CFAP95: variants seen among roughly 807,000 people sequenced by gnomAD.
CFAP95 encodes the protein cilia and flagella associated protein 95.
At chr9:69,880,323 T>C in the CFAP95 span, among the ~76,000 whole-genome samples, 21 of 152,284 alleles carry the variant, frequency 1.4e-4, no homozygotes, top group African/African-American at 4.8e-4. Flanking sequence ...CTTCCCATCC[T>C]CTGGTAACCA....
chr9:69,882,476 G>A, the CFAP95 span, among the ~76,000 whole-genome samples: 1 of 151,970 alleles, frequency 6.6e-6, no homozygotes, highest in Non-Finnish European at 1.5e-5. Flanking sequence ...AAGATTTCCA[G>A]TACTATGTTG....
chr9:69,843,187 C>A, the CFAP95 span, among the ~76,000 whole-genome samples: 1 of 152,064 alleles, frequency 6.6e-6, no homozygotes, highest in Non-Finnish European at 1.5e-5. Context: ...CTACCAAAGT[C>A]CCTGGCATGT....
chr9:69,857,368 C>CTGT, the CFAP95 span, among the ~76,000 whole-genome samples: 58 of 152,274 alleles, frequency 3.8e-4, 1 homozygote, highest in East Asian at 9.1e-3. Context: ...TTGTCTTATA[C>CTGT]TGTAATTGTT....
chr9:69,845,234 T>C, the CFAP95 span, among the ~76,000 whole-genome samples: 3 of 152,190 alleles, frequency 2.0e-5, no homozygotes, highest in African/African-American at 7.2e-5. Flanking sequence ...GGTGAGTGCG[T>C]TACTGCTTGG....
chr9:69,846,526 A>C, the CFAP95 span, among the ~76,000 whole-genome samples: 2 of 152,244 alleles, frequency 1.3e-5, no homozygotes, highest in Admixed American at 6.5e-5. Context: ...TCTGTGTATA[A>C]AGCACTGGCT....
chr9:69,888,304 T>C, the CFAP95 span, among the ~76,000 whole-genome samples: 2 of 152,124 alleles, frequency 1.3e-5, no homozygotes, highest in Non-Finnish European at 1.5e-5. Flanking sequence ...TATTTTTCTA[T>C]TTAAAAAAAT....
the CFAP95 span, among the ~76,000 whole-genome samples, chr9:69,892,358 G>A: frequency 1.3e-5 from 2 of 152,134 alleles, no homozygotes; most frequent in African/African-American, 4.8e-5. Flanking sequence ...TTACTCAGTT[G>A]GCTTGGCTGA....
At chr9:69,887,127 G>A in the CFAP95 span, among the ~76,000 whole-genome samples, 2 of 152,122 alleles carry the variant, frequency 1.3e-5, no homozygotes, top group Non-Finnish European at 2.9e-5. Context: ...AAGTATATTA[G>A]ACACTTTCTT....
At chr9:69,857,886 A>T in the CFAP95 span, 1 of 1,607,344 alleles carries the variant, frequency 6.2e-7, no homozygotes, top group African/African-American at 1.3e-5. Flanking sequence ...CAAGTTTTCT[A>T]AAAAAATGTT....
chr9:69,824,827 C>T, the CFAP95 span, among the ~76,000 whole-genome samples: 2 of 152,144 alleles, frequency 1.3e-5, no homozygotes, highest in East Asian at 1.9e-4. Flanking sequence ...ACCAGAGGCT[C>T]ACAGAAACCT....
At chr9:69,821,456 G>A in the CFAP95 span, among the ~76,000 whole-genome samples, 1 of 152,042 alleles carries the variant, frequency 6.6e-6, no homozygotes, top group Non-Finnish European at 1.5e-5. Flanking sequence ...ATAAATAGGG[G>A]GTGAAAAGGG....
chr9:69,879,633 C>A, the CFAP95 span, among the ~76,000 whole-genome samples: 3 of 152,158 alleles, frequency 2.0e-5, no homozygotes, highest in Non-Finnish European at 4.4e-5. Flanking sequence ...CTTTAGGACA[C>A]AAAGACAGTT....
the CFAP95 span, among the ~76,000 whole-genome samples, chr9:69,874,062 A>G: frequency 2.0e-5 from 3 of 152,200 alleles, no homozygotes; most frequent in African/African-American, 4.8e-5. Flanking sequence ...TGGGTGGTGC[A>G]GGGTGAAAGC....
At chr9:69,858,882 AAGGTCTT>A in the CFAP95 span, among the ~76,000 whole-genome samples, 112 of 152,320 alleles carry the variant, frequency 7.4e-4, no homozygotes, top group African/African-American at 1.8e-3. Context: ...ACAAAAGAAA[AAGGTCTT>A]ATTCACTCAT....
At chr9:69,828,673 G>A in the CFAP95 span, among the ~76,000 whole-genome samples, 1 of 152,158 alleles carries the variant, frequency 6.6e-6, no homozygotes, top group Non-Finnish European at 1.5e-5. Context: ...ACAGAGCTGG[G>A]TGACAGACCC....
the CFAP95 span, among the ~76,000 whole-genome samples, chr9:69,823,699 C>T: frequency 7.9e-5 from 12 of 152,100 alleles, no homozygotes; most frequent in African/African-American, 2.4e-4. Context: ...TGGGTGCAGG[C>T]GGGCTGAGTC....
the CFAP95 span, among the ~76,000 whole-genome samples, chr9:69,845,510 A>C: frequency 6.6e-6 from 1 of 152,202 alleles, no homozygotes; most frequent in Non-Finnish European, 1.5e-5. Flanking sequence ...GTGTAAAAAG[A>C]CGCATAATTC....
the CFAP95 span, among the ~76,000 whole-genome samples, chr9:69,890,480 A>C: frequency 6.6e-6 from 1 of 152,222 alleles, no homozygotes; most frequent in Non-Finnish European, 1.5e-5. Context: ...TTGTTATTGG[A>C]TACAAATAAC....
chr9:69,831,301 A>G, the CFAP95 span, among the ~76,000 whole-genome samples: 4 of 152,196 alleles, frequency 2.6e-5, no homozygotes, highest in Non-Finnish European at 5.9e-5. Flanking sequence ...TATAGGAATA[A>G]ATAACTTGTC....
Sources: allele counts gnomAD v4.1 joint callset (sites outside exome capture counted in the v4.1 genomes callset), GRCh38; gene constraint gnomAD v4.1.1; transcripts MANE v1.5; gene names NCBI Gene and HGNC (gene_info 2026-07-23, HGNC 2026-07-21).